ULK4: variants seen among roughly 807,000 people sequenced by gnomAD.
The protein encoded by ULK4 is unc-51 like kinase 4, also known as inactive serine/threonine-protein kinase ULK4.
A neutral mutation model predicts 160.6 loss-of-function variants in ULK4; 133 were observed. The ratio of observed to expected loss-of-function variants is 0.83; its 90% CI spans 0.72 to 0.96. The LOEUF (loss-of-function observed/expected upper bound fraction) is 0.96, where lower values mean the gene tolerates loss of function less well. ULK4 is among the 40% of genes least tolerant of loss of function. The pLI, the probability that ULK4 is intolerant of heterozygous loss-of-function variation, is 0.00. For synonymous variants in ULK4, 534 were observed against 539.8 expected (o/e 0.99, Z 0.15); for missense variants, 1,580 against 1,499.5 (o/e 1.05, Z -0.89).
chr3:41,536,252 T>C (rs1419549056), intron 32 of ULK4, among the ~76,000 whole-genome samples: 4 of 152,110 alleles, frequency 2.6e-5, no homozygotes, highest in Admixed American at 2.6e-4. Context: ...AAGTGATGAG[T>C]GATGAGTATT....
At chr3:41,620,937 G>A (rs559369197) in intron 30 of ULK4, among the ~76,000 whole-genome samples, 1 of 152,122 alleles carries the variant, frequency 6.6e-6, no homozygotes, top group Non-Finnish European at 1.5e-5. Flanking sequence ...TAAAATTAAT[G>A]TGCAAAAGTC....
chr3:41,566,727 G>A (rs1303943903), intron 31 of ULK4, among the ~76,000 whole-genome samples: 2 of 152,148 alleles, frequency 1.3e-5, no homozygotes, highest in African/African-American at 4.8e-5. Flanking sequence ...TTTAAAGGCA[G>A]AATCATTTCT....
chr3:41,306,316 CCCCG>C (rs1466696755), intron 35 of ULK4, among the ~76,000 whole-genome samples: 1,430 of 132,772 alleles, frequency 0.011, 378 homozygotes, highest in African/African-American at 0.047. Context: ...AGCCCCTCTG[CCCCG>C]CCAGCCGCCC....
intron 35 of ULK4, among the ~76,000 whole-genome samples, chr3:41,300,025 T>C (rs746665964): frequency 8.5e-5 from 13 of 152,144 alleles, no homozygotes; most frequent in Admixed American, 3.3e-4. Context: ...CATCAGATAT[T>C]TTCTACAGGG....
intron 2 of ULK4, among the ~76,000 whole-genome samples, chr3:41,949,304 T>TCA (rs201909986): frequency 6.0e-5 from 9 of 149,992 alleles, no homozygotes; most frequent in African/African-American, 7.5e-5. Context: ...TGAGACTCTG[T>TCA]CACACACACA....
intron 35 of ULK4, among the ~76,000 whole-genome samples, chr3:41,387,540 C>T (rs1227829617): frequency 1.3e-5 from 2 of 152,162 alleles, no homozygotes; most frequent in Non-Finnish European, 1.5e-5. Context: ...AACTCCACAA[C>T]AGGCCCAGGT....
intron 1 of ULK4, among the ~76,000 whole-genome samples, chr3:41,959,245 G>A (rs564431348): frequency 7.9e-4 from 118 of 150,112 alleles, no homozygotes; most frequent in Non-Finnish European, 1.4e-3. Context: ...CGCGCCTGTA[G>A]TCCCACCTAC....
rs184533011 is a variant in ULK4 at position 41,331,700 on chromosome 3, A to G, written c.3678+66379T>C. On this transcript the variant is annotated intron_variant, in intron 35 of 36. Transcript: ENST00000301831. ...CTCACCACTCACCATCATCTTTGCC[A>G]AATTCACAGAATCTCTAAAGTTGTT... is the stretch of plus-strand genomic sequence containing the variant. 4.2e-3 allele frequency among the ~76,000 whole-genome samples: 635 copies of G among 152,312 alleles called. 3 individuals are homozygous for G. The highest frequency in any genetic ancestry group is 0.015 in the African/African-American group (608 of 41,574).
chr3:41,812,000 G>A (rs1280171873), intron 19 of ULK4, among the ~76,000 whole-genome samples: 1 of 152,138 alleles, frequency 6.6e-6, no homozygotes, highest in African/African-American at 2.4e-5. Context: ...ACAATGGGGA[G>A]GCCAGGCACA....
chr3:41,729,749 C>G (rs1467489553), intron 22 of ULK4, among the ~76,000 whole-genome samples: 2 of 152,232 alleles, frequency 1.3e-5, no homozygotes, highest in Admixed American at 1.3e-4. Context: ...ACCCTGCCCT[C>G]AGGGAAGCAG....
chr3:41,837,474 T>C (rs2041792411), intron 17 of ULK4, among the ~76,000 whole-genome samples: 1 of 152,194 alleles, frequency 6.6e-6, no homozygotes, highest in African/African-American at 2.4e-5. Flanking sequence ...TCATATACTA[T>C]ATTAGATCAT....
chr3:41,766,564 T>C (rs989269235), intron 21 of ULK4: 1 of 152,220 alleles, frequency 6.6e-6, no homozygotes, highest in Non-Finnish European at 1.5e-5. Flanking sequence ...ATCCACAGAA[T>C]ATCACTAAGT....
At chr3:41,599,844 C>T (rs765289489) in intron 31 of ULK4, among the ~76,000 whole-genome samples, 1 of 151,896 alleles carries the variant, frequency 6.6e-6, no homozygotes, top group Non-Finnish European at 1.5e-5. Flanking sequence ...GGATTACAGG[C>T]GTGAGCCACC....
chr3:41,619,208 T>C (rs1236388446), intron 30 of ULK4, among the ~76,000 whole-genome samples: 1 of 151,726 alleles, frequency 6.6e-6, no homozygotes, highest in African/African-American at 2.4e-5. Context: ...CTGTCAATAT[T>C]AGACCAACGA....
rs115468694 is a variant in ULK4 at position 41,384,906 on chromosome 3, T to C, written c.3678+13173A>G. 6.7e-3 allele frequency among the ~76,000 whole-genome samples: 1,017 copies of C among 152,074 alleles called. 4 individuals are homozygous for C. Among genetic ancestry groups the C allele is most frequent in the African/African-American group, 0.015 (625 of 41,512 alleles). On this transcript the variant is annotated intron_variant, in intron 35 of 36. Transcript: ENST00000301831. ...AGCTTTTATTTTTTTAAAAAGAAAA[T>C]TAGCTGGGCATGCTGGTGCATGCCT...
Position 41,794,685 on chromosome 3 carries a change from A to AAAAAAAAAAAAAAAAAAAC in ULK4, c.2011-4843_2011-4842insGTTTTTTTTTTTTTTTTTT, listed in dbSNP as rs1553654846. Among the ~76,000 whole-genome samples the AAAAAAAAAAAAAAAAAAAC allele has an allele frequency of 2.3e-5, 3 of 129,088 alleles. 1 individual carries two copies. The highest frequency in any genetic ancestry group is 6.5e-5 in the African/African-American group (2 of 30,956). The allele number at this position is 129,088 out of a possible 152,430, so 84.7% of individuals were successfully genotyped here. A position where few individuals can be genotyped will look rare whatever the true frequency, so the allele number is the denominator to read the frequency against. ...CAAAAAAAAAAAAAAAAAAAAAAAA[A>AAAAAAAAAAAAAAAAAAAC]ACACAGAAAAAAAAACCACAAACCT... On this transcript the variant is annotated intron_variant, in intron 20 of 36. Coordinates refer to ENST00000301831, the MANE Select transcript of ULK4 (RefSeq NM_017886.4).
At chr3:41,656,778 G>A (rs2034949877) in intron 30 of ULK4, among the ~76,000 whole-genome samples, 1 of 151,980 alleles carries the variant, frequency 6.6e-6, no homozygotes, top group South Asian at 2.1e-4. Context: ...GCTCTAACAA[G>A]CAAACTAAAA....
chr3:41,715,098 A>C, intron 25 of ULK4, 139 bp downstream of exon 25: 1 of 818,748 alleles, frequency 1.2e-6, no homozygotes, highest in Non-Finnish European at 1.9e-6. Context: ...CAACAGATAA[A>C]AATATTAAAA....
chr3:41,821,250 C>A (rs562795173), intron 18 of ULK4, among the ~76,000 whole-genome samples: 49 of 152,314 alleles, frequency 3.2e-4, no homozygotes, highest in African/African-American at 1.1e-3. Context: ...TGCTCTCAGA[C>A]AACTGGGCCC....
Sources: gnomAD v4.1 joint callset for allele counts (sites outside exome capture counted in the v4.1 genomes callset) on GRCh38, gnomAD v4.1.1 for gene constraint, MANE v1.5 for transcripts, NCBI Gene and HGNC (gene_info 2026-07-23, HGNC 2026-07-21) for gene names.